DNAH8: variants seen among roughly 807,000 people sequenced by gnomAD.
DNAH8 encodes dynein axonemal heavy chain 8.
A neutral mutation model predicts 562.1 loss-of-function variants in DNAH8; 382 were observed. The observed-to-expected ratio is 0.68, with a 90% CI of 0.63 to 0.74. The LOEUF is 0.74. Ranked by LOEUF, DNAH8 falls within the 30% of genes least tolerant of loss-of-function variation. The pLI is 0.00. For synonymous variants in DNAH8, 1,881 were observed against 1,919.4 expected, an observed-to-expected ratio of 0.98 and a Z score of 0.52; for missense variants, 5,203 against 5,620.4, an observed-to-expected ratio of 0.93 and a Z score of 2.37.
intron 91 of DNAH8, among the ~76,000 whole-genome samples, chr6:39,023,642 G>A (rs1424307433): frequency 1.3e-5 from 2 of 152,124 alleles, no homozygotes; most frequent in African/African-American, 4.8e-5. Context: ...CATTAGACTT[G>A]CTATCAGTCT....
At chr6:38,971,916 T>C in intron 83 of DNAH8, 1 of 320,976 alleles carries the variant, frequency 3.1e-6, no homozygotes, top group Non-Finnish European at 5.7e-6. Context: ...GAGACACACC[T>C]TCTGATTTCT....
intron 18 of DNAH8, among the ~76,000 whole-genome samples, chr6:38,789,062 G>A (rs978219810): frequency 6.6e-6 from 1 of 152,126 alleles, no homozygotes; most frequent in Non-Finnish European, 1.5e-5. Context: ...GTTATAAATC[G>A]AAGCTAATAT....
At chr6:38,995,985 G>A (rs1176951009) in intron 88 of DNAH8, among the ~76,000 whole-genome samples, 2 of 152,152 alleles carry the variant, frequency 1.3e-5, no homozygotes, top group East Asian at 3.8e-4. Context: ...TTAATACTAA[G>A]AAGGAACTTA....
chr6:38,722,947 T>C lies in DNAH8; in HGVS notation c.138T>C (p.Gly46=). Residue 46 remains glycine, a synonymous_variant, in exon 2 of 93, where the codon GGT becomes GGC. Transcript: ENST00000327475. Reference sequence around the variant, plus strand: ...CAGTGGAGGCCCCGGCAGAAGATGGTTTCTCTCCTTCCGCAGAAGATGCTG... The same window carrying C: ...CAGTGGAGGCCCCGGCAGAAGATGGCTTCTCTCCTTCCGCAGAAGATGCTG... ...PPTVEAPAED[G]FSPSAEDAVS... 1 of 1,612,606 alleles carries C rather than the reference T, an allele frequency of 6.2e-7. No homozygotes were observed. The highest frequency in any genetic ancestry group is 8.5e-7 in the Non-Finnish European group (1 of 1,179,720).
At chr6:38,751,194 CAT>C (rs1765419942) in intron 9 of DNAH8, among the ~76,000 whole-genome samples, 1 of 152,196 alleles carries the variant, frequency 6.6e-6, no homozygotes, top group Non-Finnish European at 1.5e-5. Context: ...TCAGTTCACT[CAT>C]GTGGTTATTG....
At chr6:38,836,726 T>C (rs1774336376) in intron 32 of DNAH8, among the ~76,000 whole-genome samples, 1 of 152,056 alleles carries the variant, frequency 6.6e-6, no homozygotes. Context: ...GCTGGATGTG[T>C]GAAGGCAGAG....
At chr6:38,786,259 A>T (rs1391130755) in intron 17 of DNAH8, among the ~76,000 whole-genome samples, 1 of 152,226 alleles carries the variant, frequency 6.6e-6, no homozygotes, top group Non-Finnish European at 1.5e-5. Context: ...TCACAACTCA[A>T]TGGTATTTAA....
At chr6:38,925,174 AC>A (rs1782011815) in intron 73 of DNAH8, 1 of 152,196 alleles carries the variant, frequency 6.6e-6, no homozygotes, top group Non-Finnish European at 1.5e-5. Context: ...TTGGAGATGC[AC>A]TGGGCACTGG....
chr6:38,773,011 T>C (rs1582964566), intron 12 of DNAH8, among the ~76,000 whole-genome samples: 1 of 123,818 alleles, frequency 8.1e-6, no homozygotes, highest in Admixed American at 9.2e-5. Context: ...AGAGATGGGG[T>C]CTTGCTATGT....
Position 38,778,400 on chromosome 6 carries a change from G to T in DNAH8, c.1975G>T (p.Ala659Ser), listed in dbSNP as rs61748601. 7.7e-6 allele frequency: 12 copies of T among 1,555,128 alleles called. No individual in the cohort carries two copies. In the East Asian group the frequency reaches 2.5e-4, roughly 32 times the overall value. Residue 659 changes from alanine to serine, a missense_variant, in exon 14 of 93, where the codon GCA becomes TCA. This residue lies in a region of DNAH8 where 2,176 missense variants were observed against 2,365.1 expected (regional missense o/e 0.92). Coordinates refer to ENST00000327475, the MANE Select transcript of DNAH8 (RefSeq NM_001206927.2). ...KINGLEVQIQ[A>S]FMNSSFGKIL... is the part of the protein sequence containing the mutation. The stretch of plus-strand genomic sequence containing the variant: ...TATTTTATTTTAGGTACAAATACAG[G>T]CATTTATGAACAGTAGTTTTGGGAA...
At chr6:38,945,243 G>C (rs1194678583) in intron 79 of DNAH8, among the ~76,000 whole-genome samples, 1 of 152,136 alleles carries the variant, frequency 6.6e-6, no homozygotes, top group Non-Finnish European at 1.5e-5. Context: ...AAAAATGACA[G>C]AGTTGTTATT....
intron 36 of DNAH8, among the ~76,000 whole-genome samples, chr6:38,848,090 T>G (rs1775441981): frequency 6.6e-6 from 1 of 152,174 alleles, no homozygotes. Flanking sequence ...CTTCTCCAGG[T>G]GAACCTGGTG....
intron 12 of DNAH8, 41 bp downstream of exon 12, chr6:38,770,600 C>A: frequency 6.6e-7 from 1 of 1,506,416 alleles, no homozygotes; most frequent in Non-Finnish European, 8.8e-7. Context: ...CCACACCACA[C>A]CTTTTTGGTG....
chr6:38,981,465 G>C (rs1223550771), intron 85 of DNAH8, among the ~76,000 whole-genome samples: 2 of 152,188 alleles, frequency 1.3e-5, no homozygotes, highest in Non-Finnish European at 2.9e-5. Context: ...TTGCACAGGA[G>C]TCTCTTAGGC....
intron 87 of DNAH8, among the ~76,000 whole-genome samples, chr6:38,986,088 C>A (rs1053429160): frequency 6.6e-6 from 1 of 152,170 alleles, no homozygotes; most frequent in Non-Finnish European, 1.5e-5. Context: ...GTGTGTGATA[C>A]GACTACCTTC....
chr6:38,928,438 T>C (rs1352651104), intron 74 of DNAH8, among the ~76,000 whole-genome samples: 1 of 152,226 alleles, frequency 6.6e-6, no homozygotes, highest in Non-Finnish European at 1.5e-5. Context: ...GTTCTTTGTT[T>C]AGATTCTTTT....
chr6:38,896,614 CAAAA>C (rs1042787016), intron 60 of DNAH8, among the ~76,000 whole-genome samples: 12 of 150,400 alleles, frequency 8.0e-5, no homozygotes, highest in Admixed American at 4.6e-4. Context: ...AACAAAAAAA[CAAAA>C]AAGAGAGAGA....
intron 42 of DNAH8, 56 bp from the exon 43 acceptor site, chr6:38,860,401 A>G: frequency 9.6e-7 from 1 of 1,037,162 alleles, no homozygotes; most frequent in Non-Finnish European, 1.3e-6. Flanking sequence ...CCACATGCTT[A>G]TGTTTTATGC....
intron 33 of DNAH8, among the ~76,000 whole-genome samples, chr6:38,840,526 A>G (rs1050203692): frequency 6.6e-6 from 1 of 152,196 alleles, no homozygotes; most frequent in Admixed American, 6.5e-5. Context: ...CCTTATTTCT[A>G]TTGAAGTCTA....
Sources: gnomAD v4.1 joint callset for allele counts (sites outside exome capture counted in the v4.1 genomes callset) on GRCh38, gnomAD v4.1.1 for gene constraint, gnomAD v4.1.1 regional missense constraint, MANE v1.5 for transcripts, NCBI Gene and HGNC (gene_info 2026-07-23, HGNC 2026-07-21) for gene names.